Variants in SOX5 observed in about 807,000 individuals in gnomAD.
SOX5 encodes SRY-box transcription factor 5.
Under a neutral mutation model 92.0 loss-of-function variants are expected in SOX5, and 9 were observed. The observed-to-expected ratio is 0.10, with a 90% CI of 0.06 to 0.17. The LOEUF is 0.17. Among genes scored for constraint, SOX5 ranks in the 10% least tolerant of loss-of-function variants. SOX5 has a pLI of 1.00. For synonymous variants in SOX5, 344 were observed against 336.3 expected (o/e 1.02, Z -0.25); for missense variants, 642 against 944.5 (o/e 0.68, Z 4.20).
At chr12:23,607,439 A>C (rs910165865) in intron 8 of SOX5, among the ~76,000 whole-genome samples, 11 of 152,236 alleles carry the variant, frequency 7.2e-5, no homozygotes, top group Admixed American at 1.3e-4. Flanking sequence ...TAATTCTTCT[A>C]TCTGGCTACA....
At position 24,171,221 on chromosome 12, in the gene SOX5, G is replaced by GT. The variant is rs71059986; in HGVS notation, c.-2+42121dup. On this transcript the variant is annotated intron_variant, in intron 4 of 4. Coordinates refer to the SOX5 transcript ENST00000446891. ...CATTGGCCAACAGTTTTTTTTGTTTGTTTGTTTGTTTTTTTTTTTGGAGAC... is the reference window on the plus strand; with the variant it reads ...CATTGGCCAACAGTTTTTTTTGTTTGTTTTGTTTGTTTTTTTTTTTGGAGAC... 4.6e-4 allele frequency among the ~76,000 whole-genome samples: 21 copies of GT among 46,072 alleles called. 3 individuals carry two copies. Among genetic ancestry groups the GT allele is most frequent in the African/African-American group, 2.3e-3 (21 of 9,228 alleles). The allele number at this position is 46,072 out of a possible 152,430, so 30.2% of individuals were successfully genotyped here.
intron 2 of SOX5, among the ~76,000 whole-genome samples, chr12:24,330,306 A>T (rs1021067230): frequency 6.6e-6 from 1 of 152,154 alleles, no homozygotes; most frequent in Non-Finnish European, 1.5e-5. Context: ...ATTCAATCTT[A>T]TTTTTGTATA....
intron 4 of SOX5, among the ~76,000 whole-genome samples, chr12:23,981,857 C>A (rs1209038811): frequency 6.6e-6 from 1 of 152,056 alleles, no homozygotes; most frequent in East Asian, 1.9e-4. Flanking sequence ...TTTCTAGTAG[C>A]CTCAATGATC....
chr12:24,031,057 G>C (rs191698171), intron 4 of SOX5, among the ~76,000 whole-genome samples: 1 of 151,900 alleles, frequency 6.6e-6, no homozygotes, highest in Non-Finnish European at 1.5e-5. Context: ...TGTTGGCAAG[G>C]ATGTGGAGAA....
At chr12:24,140,676 C>T (rs1200836962) in intron 4 of SOX5, among the ~76,000 whole-genome samples, 2 of 152,044 alleles carry the variant, frequency 1.3e-5, no homozygotes, top group South Asian at 2.1e-4. Context: ...AAATTCTCCC[C>T]CCTCAACAAG....
At chr12:24,083,939 G>A (rs1943663193) in intron 4 of SOX5, among the ~76,000 whole-genome samples, 1 of 151,984 alleles carries the variant, frequency 6.6e-6, no homozygotes, top group African/African-American at 2.4e-5. Flanking sequence ...ACTCGTGTGG[G>A]ACGAGATAGA....
chr12:23,730,554 T>C (rs970506973), intron 6 of SOX5, among the ~76,000 whole-genome samples: 24 of 152,224 alleles, frequency 1.6e-4, no homozygotes, highest in African/African-American at 5.5e-4. Flanking sequence ...ATGAATTAGG[T>C]GGGTCAACCT....
At chr12:23,642,241 T>C (rs1437718120) in intron 7 of SOX5, among the ~76,000 whole-genome samples, 1 of 152,198 alleles carries the variant, frequency 6.6e-6, no homozygotes, top group East Asian at 1.9e-4. Flanking sequence ...AGGTTATTTT[T>C]TAGGCTTCAA....
intron 6 of SOX5, among the ~76,000 whole-genome samples, chr12:23,733,957 T>G (rs2093488877): frequency 6.6e-6 from 1 of 152,164 alleles, no homozygotes; most frequent in Admixed American, 6.5e-5. Context: ...CCATGATTTC[T>G]TTTAACCCTC....
rs530465663 is a variant in SOX5, at chr12:23,981,157, CCA to C, written c.-1-85135_-1-85134del. ...CCAGGATCTGCTACTAGATCTAATT[CCA>C]CAATTCTAATTCCACAAGCTACATA... On this transcript the variant is annotated intron_variant, in intron 4 of 4. Coordinates refer to the SOX5 transcript ENST00000446891. Among the ~76,000 whole-genome samples the C allele has an allele frequency of 1.3e-3, 192 of 152,192 alleles. 1 individual carries two copies. The highest frequency in any genetic ancestry group is 4.3e-3 in the African/African-American group (179 of 41,550).
chr12:24,318,322 G>A (rs192965591), intron 2 of SOX5, among the ~76,000 whole-genome samples: 1 of 152,280 alleles, frequency 6.6e-6, no homozygotes, highest in Admixed American at 6.5e-5. Flanking sequence ...TGTGATTTCT[G>A]GGACAGTTGG....
chr12:24,470,869 A>G (rs549552664), intron 1 of SOX5, among the ~76,000 whole-genome samples: 2 of 152,340 alleles, frequency 1.3e-5, no homozygotes, highest in East Asian at 1.9e-4. Context: ...ACATGGTAAC[A>G]TATAAATGAA....
intron 1 of SOX5, among the ~76,000 whole-genome samples, chr12:24,411,637 T>C (rs1039578429): frequency 2.6e-5 from 4 of 152,204 alleles, no homozygotes; most frequent in African/African-American, 9.6e-5. Context: ...GAGCCAGCCT[T>C]GAATCCCTTG....
At chr12:23,816,207 C>CTTTTTTTT (rs11347313) in intron 3 of SOX5, among the ~76,000 whole-genome samples, 1 of 129,652 alleles carries the variant, frequency 7.7e-6, no homozygotes. Flanking sequence ...GACAAGATTT[C>CTTTTTTTT]TTTTTTTTTT....
intron 3 of SOX5, among the ~76,000 whole-genome samples, chr12:23,795,975 G>A (rs898922817): frequency 3.3e-5 from 5 of 152,028 alleles, no homozygotes; most frequent in African/African-American, 4.8e-5. Flanking sequence ...AAGAAAACGG[G>A]TGTAATTTAA....
chr12:24,032,541 T>C (rs1022440181), intron 4 of SOX5, among the ~76,000 whole-genome samples: 1 of 152,006 alleles, frequency 6.6e-6, no homozygotes, highest in African/African-American at 2.4e-5. Flanking sequence ...AACATTTTCA[T>C]AGCAAATTTT....
intron 4 of SOX5, among the ~76,000 whole-genome samples, chr12:24,082,404 GAAAAAAAAAAAA>G (rs58736325): frequency 4.6e-4 from 34 of 73,452 alleles, no homozygotes; most frequent in South Asian, 1.3e-3. Flanking sequence ...CTTTCGAAAA[GAAAAAAAAAAAA>G]AAAAAAAAAA....
At chr12:23,868,197 A>G (rs1241950317) in intron 2 of SOX5, among the ~76,000 whole-genome samples, 1 of 151,532 alleles carries the variant, frequency 6.6e-6, no homozygotes, top group Non-Finnish European at 1.5e-5. Context: ...AAGATTTCCT[A>G]TTTGACCTTT....
chr12:24,442,090 G>T (rs1248135274), intron 1 of SOX5, among the ~76,000 whole-genome samples: 1 of 152,194 alleles, frequency 6.6e-6, no homozygotes, highest in African/African-American at 2.4e-5. Flanking sequence ...ACAGTTAAGA[G>T]AGAACGGGTA....
Sources: allele counts gnomAD v4.1 joint callset (sites outside exome capture counted in the v4.1 genomes callset), GRCh38; gene constraint gnomAD v4.1.1; transcripts MANE v1.5; gene names NCBI Gene and HGNC (gene_info 2026-07-23, HGNC 2026-07-21).